TBC1D12: variants seen among roughly 807,000 people sequenced by gnomAD.
The protein encoded by TBC1D12 is TBC1 domain family, member 12.
Under a neutral mutation model 86.7 loss-of-function variants are expected in TBC1D12, and 56 were observed. That is an observed-to-expected ratio of 0.65 (90% CI 0.52 to 0.81). The LOEUF (loss-of-function observed/expected upper bound fraction) is 0.81, where lower values mean the gene tolerates loss of function less well. Ranked by LOEUF, TBC1D12 falls within the 30% of genes least tolerant of loss-of-function variation. The pLI is 0.00. For missense variants in TBC1D12, 1,023 were observed against 1,038.8 expected (o/e 0.98, Z 0.21); for synonymous variants, 421 against 411.7 (o/e 1.02, Z -0.27).
intron 11 of TBC1D12, among the ~76,000 whole-genome samples, chr10:94,528,132 A>C (rs1277792890): frequency 6.6e-6 from 1 of 151,500 alleles, no homozygotes; most frequent in Non-Finnish European, 1.5e-5. Flanking sequence ...TGGTATTTTG[A>C]TAGGGATTTT....
intron 2 of TBC1D12, among the ~76,000 whole-genome samples, chr10:94,460,058 C>T (rs2055701457): frequency 6.6e-6 from 1 of 151,874 alleles, no homozygotes; most frequent in Non-Finnish European, 1.5e-5. Flanking sequence ...CTCTCAAGTC[C>T]CTGTCTCTAC....
At chr10:94,474,164 G>A (rs2055951833) in intron 2 of TBC1D12, among the ~76,000 whole-genome samples, 2 of 152,078 alleles carry the variant, frequency 1.3e-5, no homozygotes, top group African/African-American at 4.8e-5. Context: ...TAGGAAGTAG[G>A]CTTATCTAGT....
At chr10:94,449,910 C>T (rs1021413035) in intron 2 of TBC1D12, among the ~76,000 whole-genome samples, 3 of 152,164 alleles carry the variant, frequency 2.0e-5, no homozygotes, top group Non-Finnish European at 4.4e-5. Flanking sequence ...CACATATTTC[C>T]ATCCTGGTAC....
intron 11 of TBC1D12, among the ~76,000 whole-genome samples, chr10:94,524,754 C>T (rs539828311): frequency 1.3e-5 from 2 of 150,522 alleles, no homozygotes; most frequent in African/African-American, 4.9e-5. Context: ...AAGATATGTA[C>T]TGTAATTTTT....
At chr10:94,511,850 G>T (rs1403277194) in intron 9 of TBC1D12, among the ~76,000 whole-genome samples, 196 bp downstream of exon 9, 1 of 152,090 alleles carries the variant, frequency 6.6e-6, no homozygotes, top group Non-Finnish European at 1.5e-5. Context: ...CCAGCTTTCT[G>T]GGGGAGCTGC....
chr10:94,414,487 G>A (rs1398775530), intron 1 of TBC1D12, among the ~76,000 whole-genome samples: 3 of 152,044 alleles, frequency 2.0e-5, no homozygotes, highest in Non-Finnish European at 2.9e-5. Context: ...ATACCTCAGT[G>A]CCTTTGTGGA....
chr10:94,452,111 T>C (rs2055560153), intron 2 of TBC1D12, among the ~76,000 whole-genome samples: 1 of 150,798 alleles, frequency 6.6e-6, no homozygotes, highest in South Asian at 2.1e-4. Context: ...TTCATATATA[T>C]TTAAATATAT....
chr10:94,524,975 G>A (rs934695298), intron 11 of TBC1D12, among the ~76,000 whole-genome samples: 4 of 151,994 alleles, frequency 2.6e-5, no homozygotes, highest in African/African-American at 4.8e-5. Flanking sequence ...ACAGGTATGC[G>A]TCACCATGCC....
At chr10:94,412,243 G>A (rs2054937856) in intron 1 of TBC1D12, among the ~76,000 whole-genome samples, 1 of 152,140 alleles carries the variant, frequency 6.6e-6, no homozygotes, top group Non-Finnish European at 1.5e-5. Context: ...TAACTATGTG[G>A]CATATAGTGA....
chr10:94,524,033 G>A (rs1842222735), intron 11 of TBC1D12, among the ~76,000 whole-genome samples: 1 of 152,210 alleles, frequency 6.6e-6, no homozygotes, highest in South Asian at 2.1e-4. Flanking sequence ...TATTACTTGT[G>A]TTTAAAGTTC....
Position 94,402,952 on chromosome 10 carries a change from G to T in TBC1D12, c.339G>T (p.Ser113=). 2 of 1,569,284 alleles carry T rather than the reference G, an allele frequency of 1.3e-6. No individual in the cohort carries two copies. Among genetic ancestry groups the T allele is most frequent in the East Asian group, 5.0e-5 (2 of 40,274 alleles). The change falls in exon 1 of 13, where the codon TCG becomes TCT. Residue 113 remains serine, a synonymous_variant. Transcript: ENST00000225235. The stretch of plus-strand genomic sequence containing the variant: ...GATCGGACGCCTGCCTGCTGGGCTC[G>T]GGCTCCAAACACCGCGGCGCGGAGG... The part of the protein sequence containing the change: ...APRSDACLLG[S]GSKHRGAEVA...
chr10:94,475,170 G>A (rs1168519817), intron 3 of TBC1D12, among the ~76,000 whole-genome samples: 1 of 152,154 alleles, frequency 6.6e-6, no homozygotes, highest in Admixed American at 6.5e-5. Context: ...GGCTCTTTAT[G>A]TCTGTTTCTA....
chr10:94,441,229 C>G (rs2055376528), intron 1 of TBC1D12, among the ~76,000 whole-genome samples: 2 of 151,166 alleles, frequency 1.3e-5, no homozygotes, highest in South Asian at 4.2e-4. Context: ...TTGTAGTAAG[C>G]TTTCTTGTAC....
intron 2 of TBC1D12, among the ~76,000 whole-genome samples, chr10:94,473,094 C>T (rs1456657701): frequency 6.6e-6 from 1 of 152,064 alleles, no homozygotes; most frequent in East Asian, 1.9e-4. Flanking sequence ...GTGGCTCACG[C>T]CTGTAATCCT....
In TBC1D12 at chr10:94,533,160, C is replaced by A; in HGVS notation, c.*64C>A. On this transcript the variant is annotated 3_prime_UTR_variant, in exon 13 of 13. Transcript: ENST00000225235. Reference sequence around the variant, plus strand: ...GTTTTTGGATAAAGGTTTTTTGTTTCCTATGTAAAAGGCGTGGAAGAAAAT... The same window carrying A: ...GTTTTTGGATAAAGGTTTTTTGTTTACTATGTAAAAGGCGTGGAAGAAAAT... 9.4e-7 allele frequency: 1 copy of A among 1,068,132 alleles called. No individual in the cohort carries two copies. Among genetic ancestry groups the A allele is most frequent in the South Asian group, 1.5e-5 (1 of 64,560 alleles). 66.2% of individuals were successfully genotyped at this position (1,068,132 alleles called of 1,614,324 possible).
intron 8 of TBC1D12, 106 bp downstream of exon 8, chr10:94,510,285 T>C (rs2056510884): frequency 1.5e-6 from 1 of 684,786 alleles, no homozygotes; most frequent in Non-Finnish European, 2.3e-6. Context: ...GGCAAAACTA[T>C]AGAAATTGGG....
chr10:94,535,268 A>G lies in TBC1D12; in HGVS notation c.*2172A>G, dbSNP rs1483536014. ...AATGACATATTGCTATTGTCCTATT[A>G]TGTTTAAATTTGAACCTAAATCACT... On this transcript the variant is annotated 3_prime_UTR_variant, in exon 13 of 13. Transcript: ENST00000225235. 1.3e-5 allele frequency: 2 copies of G among 152,202 alleles called. No homozygotes were observed. Among genetic ancestry groups the G allele is most frequent in the Admixed American group, 6.5e-5 (1 of 15,268 alleles). 9.4% of individuals were successfully genotyped at this position (152,202 alleles called of 1,614,324 possible).
chr10:94,507,350 G>A lies in TBC1D12; in HGVS notation c.1600+3G>A. 6 of 1,589,548 alleles carry A rather than the reference G, an allele frequency of 3.8e-6. No individual in the cohort carries two copies. The highest frequency in any genetic ancestry group is 5.1e-6 in the Non-Finnish European group (6 of 1,174,178). On this transcript the variant is annotated splice_donor_region_variant and intron_variant, in intron 7 of 12. Transcript: ENST00000225235. ...AAGTTCAGAGAATGATACAGAAGGTGTGATTTCTTTTTTTAAATAAGAATT... is the reference window on the plus strand; with the variant it reads ...AAGTTCAGAGAATGATACAGAAGGTATGATTTCTTTTTTTAAATAAGAATT...
intron 2 of TBC1D12, among the ~76,000 whole-genome samples, chr10:94,446,384 G>T (rs2055462490): frequency 6.6e-6 from 1 of 152,186 alleles, no homozygotes; most frequent in Admixed American, 6.5e-5. Flanking sequence ...TGAAGAGGTA[G>T]CTGGTAATTT....
Sources: allele counts gnomAD v4.1 joint callset (sites outside exome capture counted in the v4.1 genomes callset), GRCh38; gene constraint gnomAD v4.1.1; transcripts MANE v1.5; gene names NCBI Gene and HGNC (gene_info 2026-07-23, HGNC 2026-07-21).